The following GOLGA3 variants were observed in gnomAD, a reference collection of about 807,000 sequenced individuals.
GOLGA3 encodes the protein golgin subfamily A member 3.
Under a neutral mutation model 169.4 loss-of-function variants are expected in GOLGA3, and 75 were observed. The ratio of observed to expected loss-of-function variants is 0.44; its 90% CI spans 0.37 to 0.54. The LOEUF (loss-of-function observed/expected upper bound fraction) is 0.54, where lower values mean the gene tolerates loss of function less well. Ranked by LOEUF, GOLGA3 falls within the 20% of genes least tolerant of loss-of-function variation. GOLGA3 has a pLI of 0.00. For missense variants in GOLGA3, 1,899 were observed against 1,930.0 expected, an observed-to-expected ratio of 0.98 and a Z score of 0.30; for synonymous variants, 824 against 822.4, an observed-to-expected ratio of 1.00 and a Z score of -0.03.
chr12:132,827,838 TGGGA>T (rs1428265748), intron 1 of GOLGA3: 2 of 149,346 alleles, frequency 1.3e-5, no homozygotes, highest in African/African-American at 5.0e-5. Context: ...GAGGCTGGGG[TGGGA>T]GGATCGCTTG....
Position 132,804,540 on chromosome 12 carries a change from C to G in GOLGA3, c.1597+176G>C, listed in dbSNP as rs10735672. Among the ~76,000 whole-genome samples, 12 of 151,080 alleles carry G rather than the reference C, an allele frequency of 7.9e-5. No individual in the cohort carries two copies. Among genetic ancestry groups the G allele is most frequent in the South Asian group, 2.1e-4 (1 of 4,762 alleles). On this transcript the variant is annotated intron_variant, in intron 7 of 23. Coordinates refer to ENST00000450791, the MANE Select transcript of GOLGA3 (RefSeq NM_001389683.1). This position sits in a 1 kb window ranked among gnomAD's most constrained non-coding sequence, Gnocchi z 4.1. ...GCGAGGACCAGTCAGGGAAGGAGGG[C>G]GTGGCGGGGACCAGTCGAGGAAGGA...
chr12:132,778,630 T>A (rs1214699836), intron 18 of GOLGA3, among the ~76,000 whole-genome samples: 1 of 150,514 alleles, frequency 6.6e-6, no homozygotes. Flanking sequence ...ATAAATACAT[T>A]TAAAAAATAA....
intron 13 of GOLGA3, 71 bp downstream of exon 13, chr12:132,788,956 G>GGCCCCGCCCCAGACCCAA: frequency 2.0e-6 from 1 of 493,272 alleles, no homozygotes; most frequent in Non-Finnish European, 3.0e-6. Flanking sequence ...CCCAGACACA[G>GGCCCCGCCCCAGACCCAA]GCCCCACCCT....
chr12:132,786,569 A>G lies in GOLGA3; in HGVS notation c.2907-14T>C, dbSNP rs1566085370. The G allele has an allele frequency of 2.5e-6, 4 of 1,611,494 alleles. No individual in the cohort carries two copies. The Admixed American group carries it at 6.7e-5, about 27-fold the overall frequency. ...TCCGTGATGGCCCTGGGGTGTCATG[A>G]GGGAGACACAGGAGGAAGCTGAATT... On this transcript the variant is annotated splice_polypyrimidine_tract_variant and intron_variant, in intron 14 of 23. Coordinates refer to ENST00000450791, the MANE Select transcript of GOLGA3 (RefSeq NM_001389683.1).
At chr12:132,812,352 C>T (rs1321714743) in intron 4 of GOLGA3, among the ~76,000 whole-genome samples, 1 of 152,106 alleles carries the variant, frequency 6.6e-6, no homozygotes, top group Non-Finnish European at 1.5e-5. Flanking sequence ...GCCCATGGAT[C>T]AAGGACTAGT....
intron 11 of GOLGA3, among the ~76,000 whole-genome samples, chr12:132,794,838 C>A (rs1948750841): frequency 6.6e-6 from 1 of 152,168 alleles, no homozygotes; most frequent in South Asian, 2.1e-4. Flanking sequence ...GTGACAGCTT[C>A]CTTCAGAAAG....
intron 1 of GOLGA3, among the ~76,000 whole-genome samples, chr12:132,822,825 G>A (rs1304516064): frequency 6.6e-6 from 1 of 152,226 alleles, no homozygotes; most frequent in African/African-American, 2.4e-5. Context: ...GGGAGGCTGA[G>A]GCAGGAGAGT....
chr12:132,822,035 C>A lies in GOLGA3; in HGVS notation c.94G>T (p.Gly32Cys). The change falls in exon 2 of 24, where the codon GGC (glycine) becomes TGC (cysteine). Residue 32 changes from glycine to cysteine, a missense_variant. Gly to Cys is a radical substitution (Grantham distance 159). Coordinates refer to ENST00000450791, the MANE Select transcript of GOLGA3 (RefSeq NM_001389683.1). ...SLPEAPLKPP[G>C]PLVPPDQQDK... ...TGCTGGTCAGGTGGCACCAGTGGGCCCGGGGGCTTCAGTGGGGCCTCGGGG... is the reference window on the plus strand; with the variant it reads ...TGCTGGTCAGGTGGCACCAGTGGGCACGGGGGCTTCAGTGGGGCCTCGGGG... 1 of 1,609,176 alleles carries A rather than the reference C, an allele frequency of 6.2e-7. No homozygotes were observed. The highest frequency in any genetic ancestry group is 8.5e-7 in the Non-Finnish European group (1 of 1,178,224).
At position 132,786,370 on chromosome 12, in the gene GOLGA3, C is replaced by T; in HGVS notation, c.3092G>A (p.Gly1031Asp). The change falls in exon 15 of 24, where the codon GGT (glycine) becomes GAT (aspartate). Residue 1031 changes from glycine to aspartate, a missense_variant. Physicochemically the swap from Gly to Asp is moderately conservative, Grantham distance 94. Coordinates refer to ENST00000450791, the MANE Select transcript of GOLGA3 (RefSeq NM_001389683.1). Reference protein sequence around the residue: ...DAELGQLRAQGGSSDSSLALH... With the variant: ...DAELGQLRAQDGSSDSSLALH... ...AGCCAGGCTGCTGTCACTGCTGCCA[C>T]CCTGGGCTCGGAGCTGGCCCAGCTC... is the stretch of plus-strand genomic sequence containing the variant. The T allele has an allele frequency of 6.2e-7, 1 of 1,608,332 alleles. No individual in the cohort carries two copies. Among genetic ancestry groups the T allele is most frequent in the Non-Finnish European group, 8.5e-7 (1 of 1,176,732 alleles).
chr12:132,783,929 T>C, intron 16 of GOLGA3: 1 of 1,436,214 alleles, frequency 7.0e-7, no homozygotes, highest in East Asian at 2.5e-5. Flanking sequence ...GGTTCCACTA[T>C]GAATTCTGTA....
At chr12:132,820,575 G>A (rs1014235382) in intron 2 of GOLGA3, among the ~76,000 whole-genome samples, 1 of 152,160 alleles carries the variant, frequency 6.6e-6, no homozygotes, top group Non-Finnish European at 1.5e-5. Flanking sequence ...ACAGGAATTA[G>A]ACTGTGACTT....
At chr12:132,795,504 T>C (rs1006377035) in intron 11 of GOLGA3, among the ~76,000 whole-genome samples, 1 of 151,970 alleles carries the variant, frequency 6.6e-6, no homozygotes, top group Non-Finnish European at 1.5e-5. Context: ...GTTCAGCCTG[T>C]AATCCCAGCA....
intron 4 of GOLGA3, among the ~76,000 whole-genome samples, chr12:132,809,817 TTTTATTA>T (rs1316040885): frequency 1.3e-5 from 2 of 152,200 alleles, no homozygotes; most frequent in Non-Finnish European, 2.9e-5. Flanking sequence ...TTGTTTTATA[TTTTATTA>T]TACTGGAACA....
Position 132,780,042 on chromosome 12 carries a change from C to A in GOLGA3, c.3582+756G>T, listed in dbSNP as rs1237195077. On this transcript the variant is annotated intron_variant, in intron 18 of 23. Coordinates refer to ENST00000450791, the MANE Select transcript of GOLGA3 (RefSeq NM_001389683.1). ...ACACACCACAGCCCTTGCACGGACA[C>A]CCCCCCGCGCACATACACACACACA... Among the ~76,000 whole-genome samples, 37 of 145,018 alleles carry A rather than the reference C, an allele frequency of 2.6e-4. 1 individual carries two copies. The highest frequency in any genetic ancestry group is 8.7e-4 in the African/African-American group (34 of 38,950).
At chr12:132,826,094 C>T (rs112217827) in intron 1 of GOLGA3, 61 of 1,484,584 alleles carry the variant, frequency 4.1e-5, no homozygotes, top group Middle Eastern at 1.8e-4. Context: ...GGGCGAGTGC[C>T]GGCCTTGCCG....
At chr12:132,775,403 C>T (rs1302973064) in intron 21 of GOLGA3, 98 bp from the exon 22 acceptor site, 1 of 1,021,752 alleles carries the variant, frequency 9.8e-7, no homozygotes, top group Non-Finnish European at 1.4e-6. Context: ...CACACATGTC[C>T]TCCTCGGCGC....
chr12:132,823,488 C>A (rs1002776965), intron 1 of GOLGA3, among the ~76,000 whole-genome samples: 5 of 152,206 alleles, frequency 3.3e-5, no homozygotes, highest in African/African-American at 1.2e-4. Context: ...AAGGTATAGA[C>A]AAGAAGCCCA....
intron 23 of GOLGA3, 113 bp from the exon 24 acceptor site, chr12:132,773,407 G>A (rs776806026): frequency 1.7e-6 from 1 of 601,552 alleles, no homozygotes; most frequent in East Asian, 3.1e-5. Context: ...CGCCTTCGGG[G>A]ATCCGCAAAC....
chr12:132,800,673 A>G (rs1421008969), intron 8 of GOLGA3, among the ~76,000 whole-genome samples: 1 of 152,180 alleles, frequency 6.6e-6, no homozygotes, highest in Non-Finnish European at 1.5e-5. Context: ...TAATTAAAAA[A>G]TAACAGGCCA....
Sources: gnomAD v4.1 joint callset for allele counts (sites outside exome capture counted in the v4.1 genomes callset) on GRCh38, gnomAD v4.1.1 for gene constraint, Gnocchi (gnomAD v3.1) non-coding constraint, MANE v1.5 for transcripts, NCBI Gene and HGNC (gene_info 2026-07-23, HGNC 2026-07-21) for gene names.